Variants in EBF2 observed in about 807,000 individuals in gnomAD.
EBF2 encodes the protein EBF transcription factor 2.
EBF2 carries 21 observed loss-of-function variants against 72.8 expected under a neutral mutation model. The ratio of observed to expected loss-of-function variants is 0.29; its 90% CI spans 0.20 to 0.42. EBF2 has a LOEUF of 0.42. EBF2 is among the 10% of genes least tolerant of loss of function. The pLI is 1.00. For missense variants in EBF2, 637 were observed against 731.2 expected (o/e 0.87, Z 1.49); for synonymous variants, 299 against 274.2 (o/e 1.09, Z -0.89).
At chr8:25,909,329 C>T (rs916968338) in intron 6 of EBF2, among the ~76,000 whole-genome samples, 2 of 152,016 alleles carry the variant, frequency 1.3e-5, no homozygotes, top group Non-Finnish European at 2.9e-5. Flanking sequence ...TTCAGCAACT[C>T]ACCTAGTTAA....
intron 10 of EBF2, among the ~76,000 whole-genome samples, chr8:25,881,222 G>C (rs1186367324): frequency 6.6e-6 from 1 of 152,130 alleles, no homozygotes; most frequent in South Asian, 2.1e-4. Context: ...TTCCCATGGC[G>C]CTTGAGGAAG....
chr8:25,983,086 G>A (rs978351341), intron 6 of EBF2, among the ~76,000 whole-genome samples: 49 of 152,110 alleles, frequency 3.2e-4, no homozygotes, highest in African/African-American at 1.1e-3. Flanking sequence ...CATCCCCTCC[G>A]CATGCACGAG....
intron 6 of EBF2, among the ~76,000 whole-genome samples, chr8:25,977,177 T>C (rs780410102): frequency 2.3e-4 from 35 of 152,328 alleles, no homozygotes; most frequent in Non-Finnish European, 4.6e-4. Flanking sequence ...CAGGCAGCTC[T>C]GTGCAAGGGA....
At chr8:25,943,311 CAA>C (rs71551840) in intron 6 of EBF2, among the ~76,000 whole-genome samples, 57 of 59,148 alleles carry the variant, frequency 9.6e-4, no homozygotes, top group African/African-American at 2.3e-3. Flanking sequence ...TGTCTCTACA[CAA>C]AAAAAAAAAA....
intron 2 of EBF2, 22 bp from the exon 3 acceptor site, chr8:26,041,024 G>C: frequency 1.2e-6 from 2 of 1,613,504 alleles, no homozygotes; most frequent in South Asian, 1.1e-5. Flanking sequence ...GGCAGCGTTC[G>C]ATTCCCTTGC....
intron 6 of EBF2, among the ~76,000 whole-genome samples, chr8:25,941,266 A>T (rs1803665130): frequency 7.0e-6 from 1 of 142,510 alleles, no homozygotes; most frequent in African/African-American, 2.7e-5. Context: ...AGTGCAGTGG[A>T]GCAATCTTGG....
intron 10 of EBF2, among the ~76,000 whole-genome samples, chr8:25,885,537 T>G (rs1367062211): frequency 2.0e-5 from 3 of 152,212 alleles, no homozygotes; most frequent in African/African-American, 7.2e-5. Flanking sequence ...TTTGGCTGTG[T>G]CCCCACCCAA....
chr8:26,014,409 TG>T (rs1303264731), intron 6 of EBF2, among the ~76,000 whole-genome samples: 1 of 152,196 alleles, frequency 6.6e-6, no homozygotes, highest in Non-Finnish European at 1.5e-5. Flanking sequence ...TTTTTGGTTT[TG>T]TTTCTTCAGG....
At chr8:26,018,695 C>T (rs943069716) in intron 6 of EBF2, among the ~76,000 whole-genome samples, 1 of 151,366 alleles carries the variant, frequency 6.6e-6, no homozygotes, top group Non-Finnish European at 1.5e-5. Context: ...GAGAGAGAAA[C>T]AAAGGGCTGC....
intron 5 of EBF2, among the ~76,000 whole-genome samples, chr8:26,034,790 C>A (rs568967629): frequency 1.3e-5 from 2 of 152,310 alleles, no homozygotes; most frequent in Admixed American, 6.5e-5. Flanking sequence ...AGCACACTAA[C>A]AATAACCAAA....
rs1302930181 is a variant in EBF2 at position 25,910,523 on chromosome 8, T to C, written c.552-1968A>G. Reference sequence around the variant, plus strand: ...TACCCCCACTCCCCGCTCCAAAATGTATCTGGTGAAAACATTAATGTTCAT... The same window carrying C: ...TACCCCCACTCCCCGCTCCAAAATGCATCTGGTGAAAACATTAATGTTCAT... On this transcript the variant is annotated intron_variant, in intron 6 of 15. Coordinates refer to ENST00000520164, the MANE Select transcript of EBF2 (RefSeq NM_022659.4). 2.0e-5 allele frequency among the ~76,000 whole-genome samples: 3 copies of C among 152,190 alleles called. No homozygotes were observed. In the East Asian group the frequency reaches 5.8e-4, roughly 29 times the overall value.
chr8:25,946,444 G>C (rs1220767273), intron 6 of EBF2, among the ~76,000 whole-genome samples: 1 of 152,242 alleles, frequency 6.6e-6, no homozygotes, highest in East Asian at 1.9e-4. Context: ...AGACCTCCAA[G>C]TTTTCCCAGC....
chr8:25,995,724 C>T (rs1382278438), intron 6 of EBF2, among the ~76,000 whole-genome samples: 1 of 151,500 alleles, frequency 6.6e-6, no homozygotes, highest in Non-Finnish European at 1.5e-5. Context: ...AAAACATAAA[C>T]CAAAATTAAG....
intron 6 of EBF2, among the ~76,000 whole-genome samples, chr8:25,982,987 T>A (rs1804387244): frequency 1.3e-5 from 2 of 152,072 alleles, no homozygotes; most frequent in Non-Finnish European, 2.9e-5. Flanking sequence ...ATAATCTCAA[T>A]TCTCTGGTAA....
intron 6 of EBF2, among the ~76,000 whole-genome samples, chr8:25,912,903 C>T (rs1564915): frequency 0.053 from 8,056 of 152,222 alleles, 282 homozygotes; most frequent in South Asian, 0.13. Flanking sequence ...TGTCTTCCGC[C>T]ATCCCACCCA....
At chr8:25,926,126 C>T (rs146520421) in intron 6 of EBF2, among the ~76,000 whole-genome samples, 81 of 152,202 alleles carry the variant, frequency 5.3e-4, no homozygotes, top group African/African-American at 1.6e-3. Context: ...AGTCCTTCTA[C>T]CGGGAAGCAA....
intron 6 of EBF2, among the ~76,000 whole-genome samples, chr8:25,960,962 G>T (rs1804025183): frequency 6.6e-6 from 1 of 152,138 alleles, no homozygotes; most frequent in Admixed American, 6.6e-5. Context: ...TTATCCATAT[G>T]TGCATAAAAG....
intron 6 of EBF2, among the ~76,000 whole-genome samples, chr8:26,020,648 C>A (rs1460255215): frequency 6.6e-6 from 1 of 152,088 alleles, no homozygotes; most frequent in South Asian, 2.1e-4. Flanking sequence ...GGGATGGAGA[C>A]AATGGTGGTG....
chr8:26,012,375 A>G (rs1241978514), intron 6 of EBF2, among the ~76,000 whole-genome samples: 1 of 152,200 alleles, frequency 6.6e-6, no homozygotes, highest in Admixed American at 6.5e-5. Flanking sequence ...CACAAGGAAA[A>G]ATGCAATCAA....
Sources: gnomAD v4.1 joint callset for allele counts (sites outside exome capture counted in the v4.1 genomes callset) on GRCh38, gnomAD v4.1.1 for gene constraint, MANE v1.5 for transcripts, NCBI Gene and HGNC (gene_info 2026-07-23, HGNC 2026-07-21) for gene names.